Variants in MAGI2 observed in about 807,000 individuals in gnomAD.
The protein encoded by MAGI2 is membrane-associated guanylate kinase, WW and PDZ domain-containing protein 2.
In MAGI2, 35 loss-of-function variants were observed where a neutral mutation model predicts 133.3. That is an observed-to-expected ratio of 0.26 (90% CI 0.20 to 0.35). The LOEUF (loss-of-function observed/expected upper bound fraction) is 0.35. MAGI2 is among the 10% of genes least tolerant of loss of function. The pLI, the probability that MAGI2 is intolerant of heterozygous loss-of-function variation, is 1.00. For synonymous variants in MAGI2, 729 were observed against 710.6 expected, an observed-to-expected ratio of 1.03 and a Z score of -0.41; for missense variants, 1,636 against 1,863.4, an observed-to-expected ratio of 0.88 and a Z score of 2.25.
intron 20 of MAGI2, among the ~76,000 whole-genome samples, chr7:78,096,420 G>A (rs1817695938): frequency 6.6e-6 from 1 of 152,194 alleles, no homozygotes; most frequent in South Asian, 2.1e-4. Flanking sequence ...CACAGTGCCT[G>A]ACACATGGTA....
At chr7:78,804,761 A>AAACCAAAAAAC in intron 2 of MAGI2, among the ~76,000 whole-genome samples, 1 of 143,612 alleles carries the variant, frequency 7.0e-6, no homozygotes, top group African/African-American at 2.6e-5. Flanking sequence ...AAAAAAAAAA[A>AAACCAAAAAAC]AAAAAAAAAA....
chr7:79,231,868 T>A (rs1234014295), intron 1 of MAGI2, among the ~76,000 whole-genome samples: 2 of 152,004 alleles, frequency 1.3e-5, no homozygotes, highest in African/African-American at 4.8e-5. Context: ...CCCTGTCTTG[T>A]GCCAGTTTTC....
At chr7:78,905,394 A>G (rs6951826) in intron 2 of MAGI2, among the ~76,000 whole-genome samples, 14,065 of 152,190 alleles carry the variant, frequency 0.092, 1,518 homozygotes, top group African/African-American at 0.25. Flanking sequence ...AAGTCTGCTT[A>G]CACCACTTAC....
At chr7:79,367,878 T>TA (rs1446885185) in intron 1 of MAGI2, among the ~76,000 whole-genome samples, 2 of 116,552 alleles carry the variant, frequency 1.7e-5, no homozygotes, top group Non-Finnish European at 1.8e-5. Context: ...TATATATATG[T>TA]CATTGACTGG....
At chr7:78,064,795 CA>C (rs1299793936) in intron 21 of MAGI2, among the ~76,000 whole-genome samples, 2 of 152,128 alleles carry the variant, frequency 1.3e-5, no homozygotes, top group African/African-American at 4.8e-5. Flanking sequence ...GGATGTATTT[CA>C]GGGGTAAAAA....
chr7:78,617,174 C>G (rs750946966), intron 3 of MAGI2: 2 of 151,922 alleles, frequency 1.3e-5, no homozygotes, highest in Non-Finnish European at 2.9e-5. Context: ...GAAAAGTAGT[C>G]CAGGAAAATG....
At chr7:78,480,540 C>T (rs1396545977) in intron 6 of MAGI2, among the ~76,000 whole-genome samples, 2 of 151,842 alleles carry the variant, frequency 1.3e-5, no homozygotes, top group Admixed American at 6.6e-5. Context: ...TTTACCATGT[C>T]CTAGTTGGAC....
chr7:79,234,971 T>C (rs1190230542), intron 1 of MAGI2, among the ~76,000 whole-genome samples: 135 of 152,046 alleles, frequency 8.9e-4, no homozygotes, highest in South Asian at 2.1e-4. Context: ...GATGGGTTTT[T>C]GGTGTGGATG....
chr7:78,443,360 T>C (rs187672341), intron 6 of MAGI2, among the ~76,000 whole-genome samples: 48 of 152,210 alleles, frequency 3.2e-4, no homozygotes, highest in South Asian at 1.2e-3. Flanking sequence ...GCAAGCAGTG[T>C]TTGAAATTCG....
intron 2 of MAGI2, among the ~76,000 whole-genome samples, chr7:78,710,178 G>T (rs1164956087): frequency 6.6e-6 from 1 of 152,038 alleles, no homozygotes; most frequent in Non-Finnish European, 1.5e-5. Context: ...AATCCTTATA[G>T]CAGACAAGAT....
chr7:78,289,387 G>A (rs188725803), intron 9 of MAGI2, among the ~76,000 whole-genome samples: 53 of 152,204 alleles, frequency 3.5e-4, no homozygotes, highest in African/African-American at 8.4e-4. Flanking sequence ...GAAATGAAGC[G>A]AGAAGAGAAG....
intron 4 of MAGI2, among the ~76,000 whole-genome samples, chr7:78,511,452 C>T (rs1197097385): frequency 6.6e-6 from 1 of 151,018 alleles, no homozygotes; most frequent in African/African-American, 2.4e-5. Context: ...TTTTCCTAAA[C>T]CTTCTAAAAT....
rs186551196 is a variant in MAGI2, at chr7:78,291,745, G to T, written c.1409-35164C>A. Among the ~76,000 whole-genome samples, 187 of 152,174 alleles carry T rather than the reference G, an allele frequency of 1.2e-3. 3 individuals are homozygous for T. The East Asian group carries it at 0.034, about 28-fold the overall frequency. On this transcript the variant is annotated intron_variant, in intron 9 of 21. Coordinates refer to ENST00000354212, the MANE Select transcript of MAGI2 (RefSeq NM_012301.4). ...GAAGCTTCTCCACCATGATCAAGTG[G>T]GCTTCATCCCTGGGATGCAAGGCTG...
chr7:78,705,363 C>T (rs999962451), intron 2 of MAGI2, among the ~76,000 whole-genome samples: 3 of 152,076 alleles, frequency 2.0e-5, no homozygotes, highest in East Asian at 1.9e-4. Context: ...TGTAATTTTC[C>T]TGAGGCTTCC....
At chr7:78,461,333 ATAAG>A (rs1338211391) in intron 6 of MAGI2, among the ~76,000 whole-genome samples, 2 of 152,058 alleles carry the variant, frequency 1.3e-5, no homozygotes, top group Non-Finnish European at 2.9e-5. Context: ...ATTTAAGTGT[ATAAG>A]TAAGAAAACA....
intron 1 of MAGI2, among the ~76,000 whole-genome samples, chr7:79,168,306 C>A (rs1344983816): frequency 1.3e-5 from 2 of 151,914 alleles, no homozygotes; most frequent in South Asian, 4.2e-4. Flanking sequence ...GTAATCTTTG[C>A]GACCTTGCCA....
At chr7:78,865,246 G>A (rs933391020) in intron 2 of MAGI2, among the ~76,000 whole-genome samples, 2 of 152,126 alleles carry the variant, frequency 1.3e-5, no homozygotes. Flanking sequence ...GTTCCACAGA[G>A]TAGAAGAAAA....
intron 2 of MAGI2, among the ~76,000 whole-genome samples, chr7:78,794,006 T>G (rs1469140942): frequency 6.6e-6 from 1 of 152,310 alleles, no homozygotes; most frequent in East Asian, 1.9e-4. Flanking sequence ...ATTACAACAA[T>G]TGTGACCTAT....
In MAGI2 at chr7:79,004,557, T is replaced by C. The variant is rs192410490; in HGVS notation, c.418+2533A>G. Reference sequence around the variant, plus strand: ...TGGCAGAAGAGTAGACTGACTATAGTAGACAACAGTGTATTGTATATTTCA... The same window carrying C: ...TGGCAGAAGAGTAGACTGACTATAGCAGACAACAGTGTATTGTATATTTCA... On this transcript the variant is annotated intron_variant, in intron 2 of 21. Coordinates refer to ENST00000354212, the MANE Select transcript of MAGI2 (RefSeq NM_012301.4). Among the ~76,000 whole-genome samples the C allele has an allele frequency of 3.3e-4, 51 of 152,284 alleles. 1 individual carries two copies. Among genetic ancestry groups the C allele is most frequent in the Admixed American group, 3.2e-3 (49 of 15,298 alleles).
Sources: gnomAD v4.1 joint callset for allele counts (sites outside exome capture counted in the v4.1 genomes callset) on GRCh38, gnomAD v4.1.1 for gene constraint, MANE v1.5 for transcripts, NCBI Gene and HGNC (gene_info 2026-07-23, HGNC 2026-07-21) for gene names.